MRPL4: variants seen among roughly 807,000 people sequenced by gnomAD.
MRPL4 encodes mitochondrial ribosomal protein L4.
In MRPL4, 34 loss-of-function variants were observed where a neutral mutation model predicts 34.1. The observed-to-expected ratio is 1.00, with a 90% CI of 0.76 to 1.33. MRPL4 has a LOEUF of 1.33. Ranked by LOEUF, MRPL4 falls within the 40% of genes most tolerant of loss-of-function variation. The pLI, the probability that MRPL4 is intolerant of heterozygous loss-of-function variation, is 0.00. For synonymous variants in MRPL4, 196 were observed against 188.3 expected (o/e 1.04, Z -0.33); for missense variants, 402 against 434.6 (o/e 0.92, Z 0.67).
rs142847637 is a variant in MRPL4, at chr19:10,254,808, T to C, written c.327+168T>C. 7.1e-4 allele frequency: 427 copies of C among 597,862 alleles called. 6 individuals carry two copies. The East Asian group carries it at 0.014, about 19-fold the overall frequency. 37.0% of individuals were successfully genotyped at this position (597,862 alleles called of 1,614,324 possible). ...TCCATTTTTGGTTCTCTTTTTTTTG[T>C]TTGTTTTTGAGATGGAGATGGAGTC... On this transcript the variant is annotated intron_variant, in intron 4 of 8. Coordinates refer to ENST00000253099, the MANE Select transcript of MRPL4 (RefSeq NM_015956.3).
chr19:10,252,316 G>A lies in MRPL4; in HGVS notation c.57+6G>A, dbSNP rs752977710. On this transcript the variant is annotated splice_donor_region_variant and intron_variant, in intron 1 of 8. Coordinates refer to ENST00000253099, the MANE Select transcript of MRPL4 (RefSeq NM_015956.3). The stretch of plus-strand genomic sequence containing the variant: ...TTCGGCCTACCGGCAGCCAGGTGAG[G>A]CCAGGGGCTGGAGGCGTGGTCGAAG... 23 of 1,611,954 alleles carry A rather than the reference G, an allele frequency of 1.4e-5. No individual in the cohort carries two copies. Among genetic ancestry groups the A allele is most frequent in the East Asian group, 2.2e-5 (1 of 44,856 alleles).
At chr19:10,256,948 C>A in intron 5 of MRPL4, 123 bp downstream of exon 5, 2 of 757,820 alleles carry the variant, frequency 2.6e-6, no homozygotes, top group Non-Finnish European at 3.9e-6. Flanking sequence ...CCCTCCACCT[C>A]ATGGAACCAC....
upstream of MRPL4, chr19:10,252,183 G>A: frequency 6.8e-7 from 1 of 1,480,604 alleles, no homozygotes; most frequent in Non-Finnish European, 9.0e-7. Flanking sequence ...TCGCGTGCGT[G>A]ACGTCATCCA....
chr19:10,256,951 G>A (rs1206379202), intron 5 of MRPL4, 126 bp downstream of exon 5: 1 of 728,948 alleles, frequency 1.4e-6, no homozygotes, highest in Non-Finnish European at 2.1e-6. Flanking sequence ...TCCACCTCAT[G>A]GAACCACCTG....
chr19:10,252,984 A>C (rs2039810003), intron 3 of MRPL4: 1 of 432,270 alleles, frequency 2.3e-6, no homozygotes, highest in African/African-American at 2.0e-5. Context: ...CAGTGTCCCT[A>C]TTTTGTCAGC....
intron 5 of MRPL4, among the ~76,000 whole-genome samples, chr19:10,257,768 T>C (rs1175440301): frequency 6.6e-6 from 1 of 151,998 alleles, no homozygotes; most frequent in Non-Finnish European, 1.5e-5. Flanking sequence ...GTTCACACTC[T>C]AGCCACTCTA....
chr19:10,259,586 G>GGGCCCC, intron 8 of MRPL4, 31 bp from the exon 9 acceptor site: 3 of 1,461,380 alleles, frequency 2.1e-6, no homozygotes, highest in Non-Finnish European at 1.8e-6. Flanking sequence ...GGCCTGACCG[G>GGGCCCC]CCCCCCGCCC....
At chr19:10,254,687 A>G in intron 4 of MRPL4, 47 bp downstream of exon 4, 7 of 1,608,892 alleles carry the variant, frequency 4.4e-6, no homozygotes, top group Non-Finnish European at 6.0e-6. Context: ...CTTCCTGGGG[A>G]GGTTGGGGAT....
Position 10,256,804 on chromosome 19 carries a change from C to A in MRPL4, c.424C>A (p.Arg142Ser). The change falls in exon 5 of 9, where the codon CGC becomes AGC. Residue 142 changes from arginine (R) to serine (S), a missense_variant. Physicochemically the swap from Arg to Ser is moderately radical, Grantham distance 110. Transcript: ENST00000253099. ...TGGGCGGGCCCGGCATGGCAGCATC[C>A]GCTCTCCGCTCTGGCGAGGAGGTAA... is the stretch of plus-strand genomic sequence containing the variant. ...GTGRARHGSI[R>S]SPLWRGGGVA... 6.6e-7 allele frequency: 1 copy of A among 1,517,080 alleles called. No homozygotes were observed. The highest frequency in any genetic ancestry group is 1.2e-5 in the South Asian group (1 of 82,298). 94.0% of individuals were successfully genotyped at this position (1,517,080 alleles called of 1,614,324 possible).
intron 4 of MRPL4, chr19:10,255,465 A>C (rs1035250024): frequency 6.5e-6 from 1 of 152,702 alleles, no homozygotes; most frequent in Non-Finnish European, 1.5e-5. Flanking sequence ...CCTTGGGTCT[A>C]CTGTAGAAGC....
chr19:10,256,028 C>T (rs1225821247), intron 4 of MRPL4, among the ~76,000 whole-genome samples: 1 of 152,088 alleles, frequency 6.6e-6, no homozygotes, highest in Non-Finnish European at 1.5e-5. Context: ...TGGCTCACAC[C>T]TGTAATCCCA....
In MRPL4 at chr19:10,252,239, G is replaced by A. The variant is rs191116424; in HGVS notation, c.-15G>A. ...AGTGGCCTTGACCTCCCGCGGCGTG[G>A]GAGGCTGCGCGGCGATGCTGCAGTT... On this transcript the variant is annotated 5_prime_UTR_variant, in exon 1 of 9. Coordinates refer to ENST00000253099, the MANE Select transcript of MRPL4 (RefSeq NM_015956.3). The A allele has an allele frequency of 6.6e-4, 1,048 of 1,596,608 alleles. 2 individuals are homozygous for A. The highest frequency in any genetic ancestry group is 6.2e-4 in the Non-Finnish European group (729 of 1,173,592).
chr19:10,252,135 C>T (rs2039794855), upstream of MRPL4: 10 of 1,305,682 alleles, frequency 7.7e-6, no homozygotes, highest in Non-Finnish European at 1.0e-5. Context: ...TTTGCACACC[C>T]CGCTTTCCAG....
At chr19:10,252,521 C>A (rs1276911067) in intron 2 of MRPL4, 30 bp from the exon 3 acceptor site, 2 of 1,613,520 alleles carry the variant, frequency 1.2e-6, no homozygotes, top group Non-Finnish European at 1.7e-6. Flanking sequence ...GACCCTTGAC[C>A]CTAACCTCTG....
At chr19:10,252,123 GTTTTGCACA>G (rs2039794705), upstream of MRPL4, 1 of 1,212,478 alleles carries the variant, frequency 8.2e-7, no homozygotes, top group South Asian at 1.6e-5. Context: ...TCCATCTTCG[GTTTTGCACA>G]CCCCGCTTTC....
At chr19:10,257,509 T>C (rs1373738662) in intron 5 of MRPL4, among the ~76,000 whole-genome samples, 1 of 152,010 alleles carries the variant, frequency 6.6e-6, no homozygotes, top group Non-Finnish European at 1.5e-5. Context: ...TGAGCCTCTT[T>C]TCTGCCCTGC....
rs200573354 is a variant in MRPL4, at chr19:10,252,441, C to T, written c.102C>T (p.Asn34=). 2 of 1,613,944 alleles carry T rather than the reference C, an allele frequency of 1.2e-6. No homozygotes were observed. Among genetic ancestry groups the T allele is most frequent in the South Asian group, 1.1e-5 (1 of 91,084 alleles). ...AAGAGGCAGCGCGTGCGACCGAGAA[C>T]CCGGAGCAGGTGGCGAGCGAGGGTA... ...LAEEAARATE[N]PEQVASEGLP... is the part of the protein sequence containing the mutation. The change falls in exon 2 of 9, where the codon AAC becomes AAT. Residue 34 remains asparagine (N), a synonymous_variant. Transcript: ENST00000253099.
chr19:10,257,935 C>G (rs552124774), intron 5 of MRPL4, among the ~76,000 whole-genome samples: 3 of 152,138 alleles, frequency 2.0e-5, no homozygotes, highest in Non-Finnish European at 4.4e-5. Flanking sequence ...CAGCCTTGAG[C>G]TCCTGGGCTC....
At chr19:10,257,682 G>C (rs553560240) in intron 5 of MRPL4, among the ~76,000 whole-genome samples, 2 of 152,040 alleles carry the variant, frequency 1.3e-5, no homozygotes, top group Admixed American at 1.3e-4. Flanking sequence ...GCATGTGCCT[G>C]ATGCCTTCCT....
Sources: gnomAD v4.1 joint callset for allele counts (sites outside exome capture counted in the v4.1 genomes callset) on GRCh38, gnomAD v4.1.1 for gene constraint, MANE v1.5 for transcripts, NCBI Gene and HGNC (gene_info 2026-07-23, HGNC 2026-07-21) for gene names.